The following GOLM1 variants were observed in gnomAD, a reference collection of about 807,000 sequenced individuals.
The protein encoded by GOLM1 is epididymis luminal protein 46.
Under a neutral mutation model 50.5 loss-of-function variants are expected in GOLM1, and 31 were observed. The ratio of observed to expected loss-of-function variants is 0.61; its 90% CI spans 0.46 to 0.83. The LOEUF is 0.83. Ranked by LOEUF, GOLM1 falls within the 40% of genes least tolerant of loss-of-function variation. The pLI, the probability that GOLM1 is intolerant of heterozygous loss-of-function variation, is 0.00. For synonymous variants in GOLM1, 178 were observed against 192.8 expected (o/e 0.92, Z 0.64); for missense variants, 491 against 501.3 (o/e 0.98, Z 0.20).
At position 86,044,568 on chromosome 9, in the gene GOLM1, C is replaced by A. The variant is rs1026676872; in HGVS notation, c.467+1902G>T. Among the ~76,000 whole-genome samples, 7 of 152,126 alleles carry A rather than the reference C, an allele frequency of 4.6e-5. No individual in the cohort carries two copies. In the East Asian group the frequency reaches 1.2e-3, roughly 25 times the overall value. On this transcript the variant is annotated intron_variant, in intron 5 of 9. Transcript: ENST00000388712. Reference sequence around the variant, plus strand: ...GATGAGCCTTTTAGAAGGAAATAATCCAAAATGGTAATTTTTAAGACAATT... The same window carrying A: ...GATGAGCCTTTTAGAAGGAAATAATACAAAATGGTAATTTTTAAGACAATT...
intron 5 of GOLM1, among the ~76,000 whole-genome samples, chr9:86,043,306 G>A (rs1213219899): frequency 5.3e-5 from 8 of 152,194 alleles, no homozygotes; most frequent in African/African-American, 1.9e-4. Context: ...AAAGTGGGAT[G>A]TGTGCTGACT....
chr9:86,035,007 T>C (rs1833089537), intron 8 of GOLM1: 2 of 985,208 alleles, frequency 2.0e-6, no homozygotes, highest in African/African-American at 1.7e-5. Context: ...ACTGATTGTC[T>C]AAATGGCACC....
At chr9:86,044,973 G>A (rs1488135020) in intron 5 of GOLM1, among the ~76,000 whole-genome samples, 1 of 151,816 alleles carries the variant, frequency 6.6e-6, no homozygotes, top group Non-Finnish European at 1.5e-5. Flanking sequence ...AGAGGCTATA[G>A]CTAATGTGTT....
chr9:86,033,705 A>G (rs1833051611), intron 8 of GOLM1, among the ~76,000 whole-genome samples: 1 of 152,220 alleles, frequency 6.6e-6, no homozygotes, highest in African/African-American at 2.4e-5. Context: ...GATAAAAGAA[A>G]GGTGCCACTG....
chr9:86,030,606 ATAAAGAACAC>A lies in GOLM1; in HGVS notation c.1129+2666_1129+2675del, dbSNP rs558557233. ...AACATAAATGATAAACTGCTCCACGATAAAGAACACTAAAGAGGTCTGACAATAAATGCAG... is the reference window on the plus strand; with the variant it reads ...AACATAAATGATAAACTGCTCCACGATAAAGAGGTCTGACAATAAATGCAG... On this transcript the variant is annotated intron_variant, in intron 9 of 9. Coordinates refer to ENST00000388712, the MANE Select transcript of GOLM1 (RefSeq NM_016548.4). 2.2e-3 allele frequency among the ~76,000 whole-genome samples: 332 copies of A among 152,350 alleles called. 2 individuals carry two copies. The highest frequency in any genetic ancestry group is 3.4e-3 in the Non-Finnish European group (228 of 68,028).
intron 5 of GOLM1, among the ~76,000 whole-genome samples, chr9:86,044,498 A>G (rs1332802471): frequency 6.6e-6 from 1 of 152,248 alleles, no homozygotes; most frequent in Admixed American, 6.5e-5. Context: ...AAATCCTTTC[A>G]GAATGCAATT....
At chr9:86,069,908 A>G (rs60866625) in intron 3 of GOLM1, among the ~76,000 whole-genome samples, 54,956 of 151,792 alleles carry the variant, frequency 0.36, 12,934 homozygotes, top group African/African-American at 0.66. Context: ...TTTTGAGATG[A>G]AGTCTCACTT....
chr9:86,098,648 T>TA (rs1835426102), intron 1 of GOLM1, among the ~76,000 whole-genome samples: 2 of 152,256 alleles, frequency 1.3e-5, no homozygotes, highest in African/African-American at 4.8e-5. Flanking sequence ...TAAATTTTGC[T>TA]AAAAAATTTC....
At chr9:86,041,990 T>A (rs367978519) in intron 5 of GOLM1, among the ~76,000 whole-genome samples, 6 of 152,030 alleles carry the variant, frequency 3.9e-5, no homozygotes, top group Non-Finnish European at 7.4e-5. Flanking sequence ...GGTGGCGGGC[T>A]CCTGTAGTCC....
intron 2 of GOLM1, 60 bp downstream of exon 2, chr9:86,079,132 A>G: frequency 1.4e-6 from 2 of 1,414,014 alleles, no homozygotes; most frequent in Non-Finnish European, 1.9e-6. Context: ...GGACCCCATC[A>G]TAACAAAATA....
intron 1 of GOLM1, among the ~76,000 whole-genome samples, chr9:86,095,391 G>A (rs1361565542): frequency 1.3e-5 from 2 of 149,044 alleles, no homozygotes; most frequent in Admixed American, 6.7e-5. Context: ...ACCACGCCCA[G>A]CTAATTTTTG....
At chr9:86,080,138 C>G (rs772035134) in intron 1 of GOLM1, 4 of 152,226 alleles carry the variant, frequency 2.6e-5, no homozygotes, top group Non-Finnish European at 5.9e-5. Context: ...TTCGAACATT[C>G]ATTTCTCACT....
intron 3 of GOLM1, among the ~76,000 whole-genome samples, chr9:86,056,111 T>C (rs1440818792): frequency 7.2e-6 from 1 of 139,692 alleles, no homozygotes; most frequent in Non-Finnish European, 1.5e-5. Flanking sequence ...TGATGTGTCC[T>C]TTTCTGTCCA....
chr9:86,040,745 T>C lies in GOLM1; in HGVS notation c.591A>G (p.Arg197=). Reference sequence around the variant, plus strand: ...GCAAAAATTCCCCAGTTACCTGCTGTCTCTGGTCGTTGTTTTCACTCAGGT... The same window carrying C: ...GCAAAAATTCCCCAGTTACCTGCTGCCTCTGGTCGTTGTTTTCACTCAGGT... The part of the protein sequence containing the change: ...SRDLSENNDQ[R]QQLQALSEPQ... The change falls in exon 6 of 10, where the codon AGA becomes AGG. Residue 197 remains arginine (R), a synonymous_variant. Transcript: ENST00000388712. 1 of 1,612,192 alleles carries C rather than the reference T, an allele frequency of 6.2e-7. No individual in the cohort carries two copies. The highest frequency in any genetic ancestry group is 1.1e-5 in the South Asian group (1 of 90,556).
At chr9:86,087,868 G>A (rs976588318) in intron 1 of GOLM1, among the ~76,000 whole-genome samples, 4 of 152,144 alleles carry the variant, frequency 2.6e-5, no homozygotes, top group African/African-American at 7.2e-5. Flanking sequence ...TTTCCCCATC[G>A]ATGTTCATCA....
Position 86,026,163 on chromosome 9 carries a change from T to TTTA in GOLM1, c.*1651_*1653dup. The TTTA allele has an allele frequency of 2.0e-6, 2 of 984,516 alleles. No homozygotes were observed. Among genetic ancestry groups the TTTA allele is most frequent in the Non-Finnish European group, 2.4e-6 (2 of 829,122 alleles). 61.0% of individuals were successfully genotyped at this position (984,516 alleles called of 1,614,324 possible). ...AAGTTTTATAAGTTGAACAGAACAT[T>TTTA]TTATTTCTCAGCAATTCTATGCGTA... is the stretch of plus-strand genomic sequence containing the variant. On this transcript the variant is annotated 3_prime_UTR_variant, in exon 10 of 10. Coordinates refer to ENST00000388712, the MANE Select transcript of GOLM1 (RefSeq NM_016548.4).
chr9:86,076,511 G>C (rs1475755365), intron 3 of GOLM1, among the ~76,000 whole-genome samples: 1 of 145,342 alleles, frequency 6.9e-6, no homozygotes, highest in Non-Finnish European at 1.5e-5. Flanking sequence ...TGGGACAGGA[G>C]ATATTAGTAA....
intron 1 of GOLM1, among the ~76,000 whole-genome samples, chr9:86,086,700 T>A (rs1443080168): frequency 6.6e-6 from 1 of 152,260 alleles, no homozygotes; most frequent in Non-Finnish European, 1.5e-5. Flanking sequence ...TGCCATTTAT[T>A]AAACAGGGAA....
rs903854000 is a variant in GOLM1 at position 86,026,796 on chromosome 9, T to C, written c.*1021A>G. ...CATTAACTTGATTTTAAAATCAGTT[T>C]TGTGAGTCATTTACCACAAGCTAAA... On this transcript the variant is annotated 3_prime_UTR_variant, in exon 10 of 10. Transcript: ENST00000388712. The C allele has an allele frequency of 1.1e-5, 11 of 979,766 alleles. No homozygotes were observed. In the African/African-American group the frequency reaches 1.9e-4, roughly 17 times the overall value. 60.7% of individuals were successfully genotyped at this position (979,766 alleles called of 1,614,324 possible).
Sources: gnomAD v4.1 joint callset for allele counts (sites outside exome capture counted in the v4.1 genomes callset) on GRCh38, gnomAD v4.1.1 for gene constraint, MANE v1.5 for transcripts, NCBI Gene and HGNC (gene_info 2026-07-23, HGNC 2026-07-21) for gene names.